KLHL32: variants seen among roughly 807,000 people sequenced by gnomAD.
KLHL32 encodes kelch like family member 32.
A neutral mutation model predicts 64.8 loss-of-function variants in KLHL32; 35 were observed. That is an observed-to-expected ratio of 0.54 (90% CI 0.41 to 0.72). KLHL32 has a LOEUF of 0.72. Among genes scored for constraint, KLHL32 ranks in the 30% least tolerant of loss-of-function variants. KLHL32 has a pLI of 0.00. For synonymous variants in KLHL32, 259 were observed against 281.0 expected, an observed-to-expected ratio of 0.92 and a Z score of 0.78; for missense variants, 589 against 768.5, an observed-to-expected ratio of 0.77 and a Z score of 2.76.
At chr6:96,952,774 C>T (rs987452213) in intron 1 of KLHL32, among the ~76,000 whole-genome samples, 8 of 152,150 alleles carry the variant, frequency 5.3e-5, no homozygotes, top group Non-Finnish European at 1.2e-4. Flanking sequence ...CAGTTGTTCC[C>T]ATAGATAACA....
rs370481939 is a variant in KLHL32, at chr6:96,930,888, T to C, written c.-66+5862T>C. On this transcript the variant is annotated intron_variant, in intron 1 of 10. Transcript: ENST00000369261. ...CCAGGCAGCTCTCTGGGCTCTATCA[T>C]AGGATCTCTTCAGGGGTCCACATCT... Among the ~76,000 whole-genome samples, 13 of 152,258 alleles carry C rather than the reference T, an allele frequency of 8.5e-5. No individual in the cohort carries two copies. The East Asian group carries it at 2.5e-3, about 30-fold the overall frequency.
At chr6:97,021,589 C>T (rs1174802977) in intron 3 of KLHL32, among the ~76,000 whole-genome samples, 1 of 150,854 alleles carries the variant, frequency 6.6e-6, no homozygotes, top group African/African-American at 2.5e-5. Flanking sequence ...ATGTTAATTT[C>T]ATCCAGAAAC....
At chr6:96,923,990 T>G (rs1160464901), upstream of KLHL32, among the ~76,000 whole-genome samples, 30 of 152,094 alleles carry the variant, frequency 2.0e-4, no homozygotes, top group Non-Finnish European at 1.5e-5. Flanking sequence ...GTTCTGTGGT[T>G]GTTGTCTGTT....
chr6:97,000,562 G>T (rs1018422272), intron 3 of KLHL32, among the ~76,000 whole-genome samples: 1 of 152,278 alleles, frequency 6.6e-6, no homozygotes, highest in African/African-American at 2.4e-5. Flanking sequence ...TTCATTTTTA[G>T]ATAAAATTTA....
At chr6:97,061,237 A>G (rs1788837427) in intron 4 of KLHL32, among the ~76,000 whole-genome samples, 1 of 152,128 alleles carries the variant, frequency 6.6e-6, no homozygotes. Context: ...GAGAAGCCCC[A>G]GCTCTACAGG....
the KLHL32 span, among the ~76,000 whole-genome samples, chr6:96,911,273 C>T: frequency 2.0e-5 from 3 of 152,170 alleles, no homozygotes; most frequent in African/African-American, 7.2e-5. Flanking sequence ...CTTGACGTCT[C>T]TTGCGAAGAA....
At chr6:97,054,070 A>G (rs946505936) in intron 4 of KLHL32, among the ~76,000 whole-genome samples, 1 of 152,146 alleles carries the variant, frequency 6.6e-6, no homozygotes, top group Non-Finnish European at 1.5e-5. Flanking sequence ...TGGGAGTTTT[A>G]CAATTCTAAC....
intron 3 of KLHL32, among the ~76,000 whole-genome samples, chr6:97,023,215 AAGAC>A (rs199694130): frequency 8.0e-5 from 12 of 150,250 alleles, no homozygotes; most frequent in Non-Finnish European, 1.6e-4. Context: ...AGAAATTGTA[AAGAC>A]AAAAAAGCCA....
chr6:97,046,382 A>G (rs1785929924), intron 4 of KLHL32, among the ~76,000 whole-genome samples: 1 of 150,578 alleles, frequency 6.6e-6, no homozygotes, highest in South Asian at 2.1e-4. Flanking sequence ...TTTTATTATA[A>G]TCTGTCATTA....
chr6:97,046,870 T>C (rs1323275226), intron 4 of KLHL32, among the ~76,000 whole-genome samples: 1 of 152,244 alleles, frequency 6.6e-6, no homozygotes, highest in African/African-American at 2.4e-5. Flanking sequence ...ATCCGTGATA[T>C]GTATATAGAT....
At chr6:97,014,540 T>C (rs2128097088) in intron 3 of KLHL32, among the ~76,000 whole-genome samples, 1 of 152,284 alleles carries the variant, frequency 6.6e-6, no homozygotes, top group East Asian at 1.9e-4. Flanking sequence ...TAAATATGAC[T>C]TCATAGGCAC....
chr6:97,026,549 G>A (rs1440671069), intron 3 of KLHL32, among the ~76,000 whole-genome samples: 2 of 152,134 alleles, frequency 1.3e-5, no homozygotes, highest in African/African-American at 4.8e-5. Flanking sequence ...CCTAATAAAG[G>A]AGATGGTCTC....
intron 3 of KLHL32, among the ~76,000 whole-genome samples, chr6:96,986,280 C>T (rs774490867): frequency 2.2e-4 from 34 of 152,254 alleles, no homozygotes; most frequent in Admixed American, 1.4e-3. Context: ...CAGTCTGCCC[C>T]TAATGGGGGG....
intron 3 of KLHL32, among the ~76,000 whole-genome samples, chr6:97,014,256 C>G (rs1168316264): frequency 6.6e-6 from 1 of 150,794 alleles, no homozygotes; most frequent in Non-Finnish European, 1.5e-5. Context: ...AATCGCGCCA[C>G]TGCACTCCAA....
At chr6:96,930,633 G>A (rs1168632345) in intron 1 of KLHL32, among the ~76,000 whole-genome samples, 4 of 151,992 alleles carry the variant, frequency 2.6e-5, no homozygotes, top group African/African-American at 7.3e-5. Flanking sequence ...CATATAAAAT[G>A]TTTTAATCTG....
At chr6:97,109,662 C>T (rs7767908) in intron 6 of KLHL32, among the ~76,000 whole-genome samples, 7,733 of 152,064 alleles carry the variant, frequency 0.051, 680 homozygotes, top group African/African-American at 0.18. Flanking sequence ...AGAGATGGGC[C>T]AGAAGATTGA....
chr6:97,076,687 A>AATC (rs1039598508), intron 5 of KLHL32, among the ~76,000 whole-genome samples: 4 of 152,202 alleles, frequency 2.6e-5, no homozygotes, highest in African/African-American at 9.7e-5. Context: ...GAAGACTAAG[A>AATC]TGGCAATGCA....
chr6:96,991,451 G>A (rs1194674133), intron 3 of KLHL32, among the ~76,000 whole-genome samples: 3 of 151,948 alleles, frequency 2.0e-5, no homozygotes, highest in Non-Finnish European at 2.9e-5. Context: ...AGTAAGGGTG[G>A]TACCCATCGC....
At chr6:96,944,701 G>A (rs1321024403) in intron 1 of KLHL32, among the ~76,000 whole-genome samples, 1 of 152,224 alleles carries the variant, frequency 6.6e-6, no homozygotes, top group Non-Finnish European at 1.5e-5. Context: ...CAAGTTGCAT[G>A]AGTAATAAGT....
Sources: gnomAD v4.1 joint callset for allele counts (sites outside exome capture counted in the v4.1 genomes callset) on GRCh38, gnomAD v4.1.1 for gene constraint, MANE v1.5 for transcripts, NCBI Gene and HGNC (gene_info 2026-07-23, HGNC 2026-07-21) for gene names.